The following FBN2 variants were observed in gnomAD, a reference collection of about 807,000 sequenced individuals.
FBN2 encodes the protein fibrillin 2, also known as fibrillin-2.
A neutral mutation model predicts 355.6 loss-of-function variants in FBN2; 105 were observed. That is an observed-to-expected ratio of 0.30 (90% CI 0.25 to 0.35). The LOEUF is 0.35. Among genes scored for constraint, FBN2 ranks in the 10% least tolerant of loss-of-function variants. FBN2 has a pLI of 1.00. For missense variants in FBN2, 3,280 were observed against 3,758.7 expected (o/e 0.87, Z 3.33); for synonymous variants, 1,350 against 1,301.2 (o/e 1.04, Z -0.81).
At chr5:128,319,503 T>TAATTTAGTTAATTAAATA (rs1404880496) in intron 34 of FBN2, among the ~76,000 whole-genome samples, 2 of 93,524 alleles carry the variant, frequency 2.1e-5, no homozygotes, top group Admixed American at 1.1e-4. Context: ...TAAATTTAGT[T>TAATTTAGTTAATTAAATA]AATTTAGTTA....
intron 18 of FBN2, among the ~76,000 whole-genome samples, chr5:128,362,327 A>G (rs187929747): frequency 1.2e-4 from 19 of 152,356 alleles, no homozygotes; most frequent in African/African-American, 4.6e-4. Context: ...AAAGACATTC[A>G]TTAATCTTTT....
chr5:128,431,438 G>A (rs963802671), intron 7 of FBN2, among the ~76,000 whole-genome samples: 4 of 152,200 alleles, frequency 2.6e-5, no homozygotes, highest in South Asian at 4.1e-4. Context: ...CACAAATTTC[G>A]TGCTTTTTCC....
Position 128,473,327 on chromosome 5 carries a change from T to C in FBN2, c.629-8406A>G, listed in dbSNP as rs529888057. Among the ~76,000 whole-genome samples, 3 of 152,360 alleles carry C rather than the reference T, an allele frequency of 2.0e-5. No individual in the cohort carries two copies. The East Asian group carries it at 5.8e-4, about 29-fold the overall frequency. ...AATGGGTAAAAACAATATCTTCTTG[T>C]TGAATTTTGACAGCAACTCATTGTC... On this transcript the variant is annotated intron_variant, in intron 5 of 64. Transcript: ENST00000262464.
intron 59 of FBN2, among the ~76,000 whole-genome samples, chr5:128,275,376 A>G (rs1187103306): frequency 6.6e-6 from 1 of 152,006 alleles, no homozygotes; most frequent in Non-Finnish European, 1.5e-5. Flanking sequence ...CATACTCATA[A>G]ACAATGTACA....
intron 2 of FBN2, among the ~76,000 whole-genome samples, chr5:128,533,072 A>C (rs1286771192): frequency 6.6e-6 from 1 of 152,206 alleles, no homozygotes; most frequent in African/African-American, 2.4e-5. Flanking sequence ...AATAGTGTCA[A>C]ATACTGTGAT....
chr5:128,316,795 A>T (rs185139838), intron 36 of FBN2, among the ~76,000 whole-genome samples: 1 of 152,286 alleles, frequency 6.6e-6, no homozygotes, highest in Non-Finnish European at 1.5e-5. Context: ...TAATGTTTAG[A>T]CTATTCTCTT....
At chr5:128,515,204 T>C (rs1756248799) in intron 5 of FBN2, among the ~76,000 whole-genome samples, 1 of 152,204 alleles carries the variant, frequency 6.6e-6, no homozygotes. Flanking sequence ...GTAGATTTAA[T>C]GGCTACTACA....
At chr5:128,426,943 C>A (rs975021277) in intron 7 of FBN2, among the ~76,000 whole-genome samples, 2 of 152,210 alleles carry the variant, frequency 1.3e-5, no homozygotes, top group African/African-American at 4.8e-5. Flanking sequence ...AGCACTTGGA[C>A]TTCTCTAGCA....
intron 23 of FBN2, among the ~76,000 whole-genome samples, chr5:128,346,650 C>T (rs1048088923): frequency 2.0e-5 from 3 of 151,708 alleles, no homozygotes; most frequent in Non-Finnish European, 2.9e-5. Context: ...CTCTGTTGCC[C>T]AGACCAGGTG....
intron 62 of FBN2, among the ~76,000 whole-genome samples, chr5:128,271,243 G>A (rs1765259942): frequency 1.3e-5 from 2 of 152,240 alleles, no homozygotes; most frequent in Admixed American, 1.3e-4. Context: ...TTCTCTGCAG[G>A]ACCACAGTGC....
At chr5:128,298,570 A>G (rs1440769057) in intron 48 of FBN2, among the ~76,000 whole-genome samples, 101 of 151,546 alleles carry the variant, frequency 6.7e-4, no homozygotes, top group African/African-American at 2.4e-3. Flanking sequence ...TTCCCTTCTC[A>G]CTTCATTTCA....
chr5:128,503,616 G>T (rs114114079), intron 5 of FBN2, among the ~76,000 whole-genome samples: 2,348 of 152,268 alleles, frequency 0.015, 65 homozygotes, highest in African/African-American at 0.053. Flanking sequence ...TGTCCTAGAG[G>T]TCTGTGGAAC....
chr5:128,479,828 G>A (rs908386282), intron 5 of FBN2, among the ~76,000 whole-genome samples: 1 of 151,096 alleles, frequency 6.6e-6, no homozygotes, highest in Non-Finnish European at 1.5e-5. Context: ...TTAGGAAGCT[G>A]AAGTGAGAGG....
chr5:128,284,779 T>G lies in FBN2; in HGVS notation c.7012+1939A>C, dbSNP rs192525702. Among the ~76,000 whole-genome samples, 1,099 of 152,302 alleles carry G rather than the reference T, an allele frequency of 7.2e-3. 22 individuals are homozygous for G. The highest frequency in any genetic ancestry group is 0.011 in the Non-Finnish European group (715 of 68,014). ...CCTGCCTCACCTCCGGCAGTCTCCA[T>G]GTCTAGAAGACTAGTTTGTTGATAA... is the stretch of plus-strand genomic sequence containing the variant. On this transcript the variant is annotated intron_variant, in intron 55 of 64. Transcript: ENST00000262464.
intron 5 of FBN2, among the ~76,000 whole-genome samples, chr5:128,506,552 G>A (rs573859378): frequency 3.8e-4 from 58 of 152,160 alleles, no homozygotes; most frequent in African/African-American, 1.4e-3. Flanking sequence ...GTAGATTTTT[G>A]TAAAGTCCAT....
chr5:128,418,754 A>C (rs1753268291), intron 7 of FBN2, among the ~76,000 whole-genome samples: 1 of 152,156 alleles, frequency 6.6e-6, no homozygotes, highest in South Asian at 2.1e-4. Flanking sequence ...TTTTTAAAAA[A>C]TTTGTTGAGA....
intron 7 of FBN2, among the ~76,000 whole-genome samples, chr5:128,418,343 G>T (rs1016640562): frequency 1.3e-5 from 2 of 151,836 alleles, no homozygotes. Flanking sequence ...TCTCTATTTT[G>T]CTTAGTTTTG....
intron 6 of FBN2, among the ~76,000 whole-genome samples, chr5:128,462,796 T>G (rs1007610294): frequency 6.6e-6 from 1 of 152,202 alleles, no homozygotes; most frequent in Non-Finnish European, 1.5e-5. Flanking sequence ...TGGTTGAAGT[T>G]AAAGGCTTTT....
intron 7 of FBN2, among the ~76,000 whole-genome samples, chr5:128,444,148 C>T (rs574140666): frequency 1.1e-3 from 158 of 144,630 alleles, no homozygotes; most frequent in Middle Eastern, 3.8e-3. Context: ...TCTCGGCTCA[C>T]TGCAAGCTCC....
Sources: gnomAD v4.1 joint callset for allele counts (sites outside exome capture counted in the v4.1 genomes callset) on GRCh38, gnomAD v4.1.1 for gene constraint, MANE v1.5 for transcripts, NCBI Gene and HGNC (gene_info 2026-07-23, HGNC 2026-07-21) for gene names.